Variants in ZPR1 observed in about 807,000 individuals in gnomAD.
The protein encoded by ZPR1 is zinc finger protein ZPR1.
A neutral mutation model predicts 59.6 loss-of-function variants in ZPR1; 37 were observed. The ratio of observed to expected loss-of-function variants is 0.62; its 90% confidence interval spans 0.48 to 0.82. The LOEUF is 0.82. Ranked by LOEUF, ZPR1 falls within the 40% of genes least tolerant of loss-of-function variation. The pLI, the probability that ZPR1 is intolerant of heterozygous loss-of-function variation, is 0.00. For missense variants in ZPR1, 527 were observed against 579.9 expected (o/e 0.91, Z 0.94); for synonymous variants, 191 against 215.2 (o/e 0.89, Z 0.99).
At chr11:116,785,919 G>T in intron 4 of ZPR1, 37 bp from the exon 5 acceptor site, 3 of 1,583,150 alleles carry the variant, frequency 1.9e-6, no homozygotes, top group Non-Finnish European at 2.6e-6. Flanking sequence ...AGCCCTGGTG[G>T]TGTACCTTAT....
At chr11:116,786,711 G>T in intron 3 of ZPR1, 130 bp from the exon 4 acceptor site, 1 of 800,664 alleles carries the variant, frequency 1.2e-6, no homozygotes. Flanking sequence ...AGAAGGCCAG[G>T]TGCAAGGTTC....
Position 116,785,230 on chromosome 11 carries a change from C to T in ZPR1, c.706-84G>A, listed in dbSNP as rs936953521. On this transcript the variant is annotated intron_variant, in intron 6 of 13. Coordinates refer to ENST00000227322, the MANE Select transcript of ZPR1 (RefSeq NM_003904.5). ...CCTGCCCTGGAGTGGGAGAAATGCT[C>T]AGGTGCCACCTCATCAGTTATGTCA... 4 of 1,466,138 alleles carry T rather than the reference C, an allele frequency of 2.7e-6. No homozygotes were observed. In the African/African-American group the frequency reaches 4.2e-5, roughly 15 times the overall value. 90.8% of individuals were successfully genotyped at this position (1,466,138 alleles called of 1,614,324 possible). A position where few individuals can be genotyped will look rare whatever the true frequency, so the allele number is the denominator to read the frequency against.
chr11:116,787,718 C>G (rs1219630196), intron 1 of ZPR1, 75 bp from the exon 2 acceptor site: 6 of 1,544,284 alleles, frequency 3.9e-6, no homozygotes, highest in Non-Finnish European at 4.4e-6. Context: ...TCCGGGCGCT[C>G]CTCGGGGTCC....
rs917272748 is a variant in ZPR1 at position 116,783,656 on chromosome 11, C to A, written c.892-37G>T. 4.5e-6 allele frequency: 7 copies of A among 1,570,790 alleles called. No individual in the cohort carries two copies. In the African/African-American group the frequency reaches 6.7e-5, roughly 15 times the overall value. ...ACAGTCAGGAGCAACAGAGAGAAGA[C>A]CTGAGCCTCACTTGGTACCCAGGAG... On this transcript the variant is annotated intron_variant, in intron 9 of 13. Coordinates refer to ENST00000227322, the MANE Select transcript of ZPR1 (RefSeq NM_003904.5).
In ZPR1 at chr11:116,782,107, G is replaced by A. The variant is rs755701895; in HGVS notation, c.1179+51C>T. On this transcript the variant is annotated intron_variant, in intron 12 of 13. Coordinates refer to ENST00000227322, the MANE Select transcript of ZPR1 (RefSeq NM_003904.5). ...GCAAGACATGAGCATGCAGCCTCCT[G>A]TTCACTGGAGCCCCAGGATTCTAAG... The A allele has an allele frequency of 2.6e-5, 37 of 1,446,116 alleles. No homozygotes were observed. In the South Asian group the frequency reaches 3.6e-4, roughly 14 times the overall value. The allele number at this position is 1,446,116 out of a possible 1,614,324, so 89.6% of individuals were successfully genotyped here.
At position 116,778,959 on chromosome 11, in the gene ZPR1, T is replaced by C; in HGVS notation, c.1346A>G (p.Glu449Gly). The C allele has an allele frequency of 6.2e-7, 1 of 1,614,156 alleles. No individual in the cohort carries two copies. The highest frequency in any genetic ancestry group is 8.5e-7 in the Non-Finnish European group (1 of 1,180,036). The stretch of plus-strand genomic sequence containing the variant: ...CGGAGCCAGGCCTGCCTCATAGCCC[T>C]CTGTCTTCATGTCATTGAGCCCTAG... ...EELGLNDMKTEGYEAGLAPQR is the reference protein window; with the variant it reads ...EELGLNDMKTGGYEAGLAPQR The change falls in exon 14 of 14, where the codon GAG (glutamate) becomes GGG (glycine). Residue 449 changes from glutamate to glycine, a missense_variant. Coordinates refer to ENST00000227322, the MANE Select transcript of ZPR1 (RefSeq NM_003904.5).
At chr11:116,780,364 C>G (rs1173178327) in intron 12 of ZPR1, among the ~76,000 whole-genome samples, 1 of 150,122 alleles carries the variant, frequency 6.7e-6, no homozygotes, top group African/African-American at 2.5e-5. Flanking sequence ...CACCCCAGCC[C>G]CCTTCCCACA....
In ZPR1 at chr11:116,773,972, T is replaced by A. The variant is rs1170545400; in HGVS notation, c.*4953A>T. 6.6e-6 allele frequency: 1 copy of A among 152,202 alleles called. No homozygotes were observed. The highest frequency in any genetic ancestry group is 1.5e-5 in the Non-Finnish European group (1 of 68,034). 9.4% of individuals were successfully genotyped at this position (152,202 alleles called of 1,614,324 possible). A position where few individuals can be genotyped will look rare whatever the true frequency, so the allele number is the denominator to read the frequency against. Reference sequence around the variant, plus strand: ...CAACTTCACATAGTCAGAACATGACTCTAGGGAGTAGAGGCTAGCGAAGTG... The same window carrying A: ...CAACTTCACATAGTCAGAACATGACACTAGGGAGTAGAGGCTAGCGAAGTG... On this transcript the variant is annotated 3_prime_UTR_variant, in exon 14 of 14. Coordinates refer to ENST00000227322, the MANE Select transcript of ZPR1 (RefSeq NM_003904.5).
chr11:116,782,820 GT>G (rs746532245), intron 11 of ZPR1, 98 bp downstream of exon 11: 36 of 926,542 alleles, frequency 3.9e-5, no homozygotes, highest in Non-Finnish European at 3.1e-5. Context: ...GAAACCCACA[GT>G]TACCAGCACC....
At chr11:116,784,570 G>C in intron 8 of ZPR1, 122 bp from the exon 9 acceptor site, 2 of 1,042,120 alleles carry the variant, frequency 1.9e-6, no homozygotes, top group South Asian at 2.6e-5. Flanking sequence ...ATTCACAAGA[G>C]GCAGCCCACA....
At chr11:116,783,262 G>C (rs1274007733) in intron 10 of ZPR1, among the ~76,000 whole-genome samples, 1 of 152,190 alleles carries the variant, frequency 6.6e-6, no homozygotes, top group African/African-American at 2.4e-5. Context: ...CAGGTATCCT[G>C]TCACTAGGGG....
Position 116,787,842 on chromosome 11 carries a change from A to T in ZPR1, c.149T>A (p.Leu50Gln). The T allele has an allele frequency of 1.3e-6, 2 of 1,557,848 alleles. No individual in the cohort carries two copies. The highest frequency in any genetic ancestry group is 1.7e-6 in the Non-Finnish European group (2 of 1,152,666). Residue 50 changes from leucine to glutamine, a missense_variant, in exon 1 of 14, where the codon CTA becomes CAA. Transcript: ENST00000227322. ...EEQQPTEIES[L>Q]CMNCYCNGMT... ...CACATTGCAGTAACAGTTCATGCATAGCGACTCGATCTCGGTGGGCTGCTG... is the reference window on the plus strand; with the variant it reads ...CACATTGCAGTAACAGTTCATGCATTGCGACTCGATCTCGGTGGGCTGCTG...
Position 116,784,458 on chromosome 11 carries a change from G to C in ZPR1, c.821-10C>G. 1 of 1,613,806 alleles carries C rather than the reference G, an allele frequency of 6.2e-7. No homozygotes were observed. The highest frequency in any genetic ancestry group is 1.3e-5 in the African/African-American group (1 of 75,016). The stretch of plus-strand genomic sequence containing the variant: ...TTAAAGTGAGGGATTTCTGGAAAAC[G>C]GAGTTAAGGAAATCTACTTCCAGGC... On this transcript the variant is annotated splice_polypyrimidine_tract_variant and intron_variant, in intron 8 of 13. Transcript: ENST00000227322.
intron 4 of ZPR1, 131 bp downstream of exon 4, chr11:116,786,380 A>G: frequency 7.7e-6 from 7 of 907,022 alleles, no homozygotes; most frequent in Non-Finnish European, 1.2e-5. Context: ...GCAACATTCT[A>G]GCAGCTCCAG....
At position 116,785,870 on chromosome 11, in the gene ZPR1, C is replaced by G. The variant is rs140812201; in HGVS notation, c.508G>C (p.Ala170Pro). 93 of 1,614,182 alleles carry G rather than the reference C, an allele frequency of 5.8e-5. 1 individual carries two copies. The African/African-American group carries it at 7.5e-4, about 13-fold the overall frequency. ...AACTCATCAATTCTTTCAGCTGTAGCATCTTTGTTTGCCTGCCATGAACAG... is the reference window on the plus strand; with the variant it reads ...AACTCATCAATTCTTTCAGCTGTAGGATCTTTGTTTGCCTGCCATGAACAG... ...DQPARRANKD[A>P]TAERIDEFIV... The change falls in exon 5 of 14, where the codon GCT (alanine) becomes CCT (proline). Residue 170 changes from alanine (A) to proline (P), a missense_variant. Ala to Pro is a conservative substitution (Grantham distance 27, BLOSUM62 -1). Coordinates refer to ENST00000227322, the MANE Select transcript of ZPR1 (RefSeq NM_003904.5).
rs202038648 is a variant in ZPR1, at chr11:116,787,020, T to C, written c.373A>G (p.Thr125Ala). Reference protein sequence around the residue: ...REVVKTDSAATRIPELDFEIP... With the variant: ...REVVKTDSAAARIPELDFEIP... ...TCAAAATCTAGCTCAGGAATCCTTG[T>C]GGCAGCAGAGTCAGTCTTCACCACT... Residue 125 changes from threonine to alanine, a missense_variant, in exon 3 of 14, where the codon ACA (threonine) becomes GCA (alanine). Coordinates refer to ENST00000227322, the MANE Select transcript of ZPR1 (RefSeq NM_003904.5). 5 of 1,614,210 alleles carry C rather than the reference T, an allele frequency of 3.1e-6. No homozygotes were observed. The highest frequency in any genetic ancestry group is 4.2e-6 in the Non-Finnish European group (5 of 1,180,026).
intron 1 of ZPR1, 65 bp from the exon 2 acceptor site, chr11:116,787,708 T>A: frequency 6.4e-7 from 1 of 1,555,680 alleles, no homozygotes; most frequent in Non-Finnish European, 8.7e-7. Flanking sequence ...CCCTACTATC[T>A]CCGGGCGCTC....
rs1205306508 is a variant in ZPR1, at chr11:116,787,500, C to CA, written c.314dup (p.Leu105PhefsTer17). 6.2e-7 allele frequency: 1 copy of CA among 1,613,840 alleles called. No individual in the cohort carries two copies. The highest frequency in any genetic ancestry group is 8.5e-7 in the Non-Finnish European group (1 of 1,179,876). ...CTCTCACCTCCAGAGCCCTGACAGA[C>CA]AAAGTGTAGCGCACTCCCTGGTCCT... On this transcript the variant is annotated frameshift_variant, in exon 2 of 14. Transcript: ENST00000227322. LOFTEE classifies it high-confidence loss of function.
At chr11:116,779,526 G>A (rs1940772310) in intron 13 of ZPR1, among the ~76,000 whole-genome samples, 1 of 151,678 alleles carries the variant, frequency 6.6e-6, no homozygotes, top group African/African-American at 2.4e-5. Flanking sequence ...ACTGGGACAA[G>A]AGCTTGACTA....
Sources: allele counts gnomAD v4.1 joint callset (sites outside exome capture counted in the v4.1 genomes callset), GRCh38; gene constraint gnomAD v4.1.1; transcripts MANE v1.5; gene names NCBI Gene and HGNC (gene_info 2026-07-23, HGNC 2026-07-21).